The following RYR2 variants were observed in gnomAD, a reference collection of about 807,000 sequenced individuals.
RYR2 encodes cardiac muscle ryanodine receptor-calcium release channel.
Under a neutral mutation model 601.1 loss-of-function variants are expected in RYR2, and 227 were observed. That is an observed-to-expected ratio of 0.38 (90% confidence interval 0.34 to 0.42). The LOEUF (loss-of-function observed/expected upper bound fraction) is 0.42. RYR2 is among the 10% of genes least tolerant of loss of function. The pLI is 1.00. For synonymous variants in RYR2, 2,223 were observed against 2,175.1 expected (o/e 1.02, Z -0.61); for missense variants, 4,646 against 6,156.5 (o/e 0.75, Z 8.21).
At chr1:237,374,253 G>C (rs913419316) in intron 6 of RYR2, among the ~76,000 whole-genome samples, 1 of 152,040 alleles carries the variant, frequency 6.6e-6, no homozygotes, top group Admixed American at 6.5e-5. Context: ...TGGTCACTGT[G>C]GCTCATGCCT....
At chr1:237,327,891 G>A (rs1350220801) in intron 2 of RYR2, among the ~76,000 whole-genome samples, 1 of 152,106 alleles carries the variant, frequency 6.6e-6, no homozygotes, top group Non-Finnish European at 1.5e-5. Context: ...TAAGTAATGA[G>A]GCCAGTATTT....
In RYR2 at chr1:237,756,349, C is replaced by T. The variant is rs1209754420; in HGVS notation, c.11207C>T (p.Ala3736Val). The change falls in exon 81 of 105, where the codon GCG becomes GTG. Residue 3736 changes from alanine to valine, a missense_variant. Physicochemically the swap from Ala to Val is moderately conservative, Grantham distance 64. Around this residue, in one of 17 missense-constraint regions of RYR2, gnomAD observed 1,497 missense variants for 1,842.6 expected, o/e 0.81. Coordinates refer to ENST00000366574, the MANE Select transcript of RYR2 (RefSeq NM_001035.3). ...YQQARLHDRGAAEMVLQTISA... is the reference protein window; with the variant it reads ...YQQARLHDRGVAEMVLQTISA... The stretch of plus-strand genomic sequence containing the variant: ...CAAGCCCGACTCCACGATCGTGGCG[C>T]GGCTGAGATGGTGCTACAGACAATC... 10 of 1,613,272 alleles carry T rather than the reference C, an allele frequency of 6.2e-6. No homozygotes were observed. Among genetic ancestry groups the T allele is most frequent in the Admixed American group, 1.7e-5 (1 of 59,978 alleles).
intron 17 of RYR2, among the ~76,000 whole-genome samples, chr1:237,482,570 T>C (rs1043887956): frequency 2.0e-5 from 3 of 152,186 alleles, no homozygotes; most frequent in Non-Finnish European, 2.9e-5. Context: ...CTCCATTGTG[T>C]GTATATACTG....
At chr1:237,270,932 A>C (rs974816628) in intron 2 of RYR2, among the ~76,000 whole-genome samples, 7 of 152,232 alleles carry the variant, frequency 4.6e-5, no homozygotes, top group African/African-American at 1.7e-4. Context: ...TGGATTATTA[A>C]GTTTGTAAAG....
rs199821105 is a variant in RYR2, at chr1:237,590,900, C to T, written c.4068C>T (p.Pro1356=). Residue 1356 remains proline (P), a synonymous_variant, in exon 31 of 105, where the codon CCC becomes CCT. Transcript: ENST00000366574. ...AGACAGCTCATGGCCATCTAGTGCC[C>T]GATCGTGTTGACAAAGACAAAGAAG... ...LMKTAHGHLV[P]DRVDKDKEAT... 2,158 of 1,613,696 alleles carry T rather than the reference C, an allele frequency of 1.3e-3. 33 individuals are homozygous for T. Among genetic ancestry groups the T allele is most frequent in the Non-Finnish European group, 1.2e-4 (143 of 1,179,804 alleles).
At chr1:237,296,283 G>C (rs1692773709) in intron 2 of RYR2, among the ~76,000 whole-genome samples, 1 of 152,148 alleles carries the variant, frequency 6.6e-6, no homozygotes, top group South Asian at 2.1e-4. Flanking sequence ...AAGAAGTTTG[G>C]ATTTTATTTT....
At chr1:237,750,299 G>A (rs964311965) in intron 80 of RYR2, among the ~76,000 whole-genome samples, 6 of 152,132 alleles carry the variant, frequency 3.9e-5, no homozygotes, top group Middle Eastern at 3.4e-3. Context: ...AAAGAGTAGG[G>A]CCTTCCAAGA....
At chr1:237,310,138 C>G (rs1273204123) in intron 2 of RYR2, among the ~76,000 whole-genome samples, 1 of 152,166 alleles carries the variant, frequency 6.6e-6, no homozygotes, top group Admixed American at 6.5e-5. Context: ...TGAGAGTGAG[C>G]GAGGGCTGCC....
intron 98 of RYR2, among the ~76,000 whole-genome samples, chr1:237,805,921 A>G (rs1490826369): frequency 1.3e-5 from 2 of 152,012 alleles, no homozygotes; most frequent in Admixed American, 1.3e-4. Context: ...TCTTTTAACA[A>G]ATCTCTCCCT....
intron 17 of RYR2, among the ~76,000 whole-genome samples, chr1:237,473,476 T>G (rs1418847023): frequency 6.7e-6 from 1 of 148,580 alleles, no homozygotes; most frequent in African/African-American, 2.5e-5. Context: ...TATCTATCTA[T>G]CTGGCATATA....
At chr1:237,055,027 G>C (rs1463786033) in intron 1 of RYR2, among the ~76,000 whole-genome samples, 1 of 152,162 alleles carries the variant, frequency 6.6e-6, no homozygotes, top group East Asian at 1.9e-4. Context: ...GTTTCCCACT[G>C]TTGCTGGTCC....
At chr1:237,184,313 C>T (rs1455473996) in intron 1 of RYR2, among the ~76,000 whole-genome samples, 5 of 152,178 alleles carry the variant, frequency 3.3e-5, no homozygotes, top group African/African-American at 1.2e-4. Context: ...TTAGGAGGAA[C>T]GTGGCTCCTG....
At chr1:237,515,486 A>G (rs965924482) in intron 24 of RYR2, among the ~76,000 whole-genome samples, 1 of 152,162 alleles carries the variant, frequency 6.6e-6, no homozygotes, top group East Asian at 1.9e-4. Context: ...GAGGAATAGT[A>G]GGGACCCAGG....
chr1:237,214,992 G>A (rs1458357312), intron 1 of RYR2, among the ~76,000 whole-genome samples: 1 of 152,126 alleles, frequency 6.6e-6, no homozygotes, highest in Non-Finnish European at 1.5e-5. Context: ...AATGACCCAT[G>A]GAATGTGTTT....
At chr1:237,348,653 C>T (rs546643571) in intron 3 of RYR2, among the ~76,000 whole-genome samples, 2 of 152,192 alleles carry the variant, frequency 1.3e-5, no homozygotes, top group African/African-American at 4.8e-5. Context: ...ACAGAATTAG[C>T]TTGTATACAA....
intron 19 of RYR2, among the ~76,000 whole-genome samples, chr1:237,495,702 G>A (rs1663999767): frequency 6.6e-6 from 1 of 152,048 alleles, no homozygotes; most frequent in Admixed American, 6.6e-5. Flanking sequence ...TCACAGTGAG[G>A]CATAATGAAC....
chr1:237,280,750 A>G (rs1372134263), intron 2 of RYR2, among the ~76,000 whole-genome samples: 2 of 151,356 alleles, frequency 1.3e-5, no homozygotes, highest in Non-Finnish European at 2.9e-5. Context: ...ATTGTGATTC[A>G]TAAGTTATGT....
In RYR2 at chr1:237,784,121, G is replaced by A. The variant is rs267598439; in HGVS notation, c.12409G>A (p.Glu4137Lys). 2 of 1,613,976 alleles carry A rather than the reference G, an allele frequency of 1.2e-6. No individual in the cohort carries two copies. The highest frequency in any genetic ancestry group is 1.7e-6 in the Non-Finnish European group (2 of 1,179,884). Reference sequence around the variant, plus strand: ...TTTCCAGCCCTTTCTGGGCCGCATCGAAATCATGGGAAGCGCCAAACGCAT... The same window carrying A: ...TTTCCAGCCCTTTCTGGGCCGCATCAAAATCATGGGAAGCGCCAAACGCAT... ...NYFQPFLGRI[E>K]IMGSAKRIER... The change falls in exon 90 of 105, where the codon GAA becomes AAA. Residue 4137 changes from glutamate (E) to lysine (K), a missense_variant. Glu to Lys is a moderately conservative substitution (Grantham distance 56). This residue lies in a region of RYR2 where 70 missense variants were observed against 164.6 expected (regional missense o/e 0.43). Coordinates refer to ENST00000366574, the MANE Select transcript of RYR2 (RefSeq NM_001035.3). This position sits in a 1 kb window ranked among gnomAD's most constrained non-coding sequence, Gnocchi z 7.1.
chr1:237,633,865 C>T (rs1014720463), intron 43 of RYR2, among the ~76,000 whole-genome samples, 155 bp downstream of exon 43: 14 of 152,080 alleles, frequency 9.2e-5, no homozygotes, highest in Non-Finnish European at 1.8e-4. Context: ...AAAAAATACT[C>T]GACATCACTC....
Sources: gnomAD v4.1 joint callset for allele counts (sites outside exome capture counted in the v4.1 genomes callset) on GRCh38, gnomAD v4.1.1 for gene constraint, gnomAD v4.1.1 regional missense constraint, Gnocchi (gnomAD v3.1) non-coding constraint, MANE v1.5 for transcripts, NCBI Gene and HGNC (gene_info 2026-07-23, HGNC 2026-07-21) for gene names.